Variants in CA10 observed in about 807,000 individuals in gnomAD.
CA10 encodes carbonic anhydrase 10 (inactive).
Under a neutral mutation model 44.2 loss-of-function variants are expected in CA10, and 14 were observed. That is an observed-to-expected ratio of 0.32 (90% CI 0.21 to 0.50). The LOEUF is 0.50. CA10 is among the 20% of genes least tolerant of loss of function. The pLI is 0.99. For synonymous variants in CA10, 159 were observed against 141.6 expected (o/e 1.12, Z -0.87); for missense variants, 350 against 409.7 (o/e 0.85, Z 1.26).
At chr17:51,887,841 TACA>T (rs1980678859) in intron 3 of CA10, among the ~76,000 whole-genome samples, 4 of 65,440 alleles carry the variant, frequency 6.1e-5, no homozygotes, top group African/African-American at 2.6e-4. Flanking sequence ...CTACTAAAAA[TACA>T]AAAAAAAAAA....
At chr17:51,959,216 T>C (rs1237045443) in intron 2 of CA10, among the ~76,000 whole-genome samples, 4 of 151,790 alleles carry the variant, frequency 2.6e-5, no homozygotes, top group Non-Finnish European at 5.9e-5. Flanking sequence ...ATTCTTTTTT[T>C]TTTTTTTTTT....
intron 1 of CA10, among the ~76,000 whole-genome samples, chr17:52,100,947 C>T (rs535882587): frequency 2.0e-5 from 3 of 152,270 alleles, no homozygotes; most frequent in Admixed American, 1.3e-4. Context: ...AAATATTTTT[C>T]GCTACTCTGA....
At chr17:52,157,657 T>TA (rs1567751429) in intron 1 of CA10, 69 bp downstream of exon 1, 1 of 1,436,874 alleles carries the variant, frequency 7.0e-7, no homozygotes, top group East Asian at 2.3e-5. Context: ...CTATATACAA[T>TA]AAAACCCCAT....
chr17:52,001,693 G>A (rs1334594482), intron 2 of CA10, among the ~76,000 whole-genome samples: 1 of 151,884 alleles, frequency 6.6e-6, no homozygotes, highest in African/African-American at 2.4e-5. Context: ...TTAGGGTGCT[G>A]CACTGTATAG....
At chr17:52,116,883 G>A (rs1988909370) in intron 1 of CA10, among the ~76,000 whole-genome samples, 1 of 152,166 alleles carries the variant, frequency 6.6e-6, no homozygotes, top group Non-Finnish European at 1.5e-5. Flanking sequence ...GGATATATGA[G>A]GTTGGTCTTA....
chr17:52,077,443 A>C lies in CA10; in HGVS notation c.62-5050T>G, dbSNP rs548054762. On this transcript the variant is annotated intron_variant, in intron 1 of 8. Coordinates refer to ENST00000451037, the MANE Select transcript of CA10 (RefSeq NM_020178.5). ...ATACTATTTCTGTGCCAACTGCTCC[A>C]CTTTGCCATTGTAGCACAAAAACAG... Among the ~76,000 whole-genome samples the C allele has an allele frequency of 3.3e-5, 5 of 152,242 alleles. No homozygotes were observed. In the South Asian group the frequency reaches 1.0e-3, roughly 32 times the overall value.
At chr17:51,998,448 C>G (rs1985311938) in intron 2 of CA10, among the ~76,000 whole-genome samples, 1 of 151,968 alleles carries the variant, frequency 6.6e-6, no homozygotes, top group Non-Finnish European at 1.5e-5. Context: ...TAATGCCTGT[C>G]CCTGGGAATT....
intron 3 of CA10, among the ~76,000 whole-genome samples, chr17:51,929,904 A>G (rs1019548436): frequency 4.6e-5 from 7 of 152,212 alleles, no homozygotes; most frequent in African/African-American, 1.7e-4. Flanking sequence ...CAAATACTGC[A>G]TAACTAAATG....
At chr17:52,147,628 C>G (rs1269711723) in intron 1 of CA10, among the ~76,000 whole-genome samples, 2 of 152,042 alleles carry the variant, frequency 1.3e-5, no homozygotes, top group African/African-American at 2.4e-5. Flanking sequence ...AGGAATGAAA[C>G]TTGTTACAGA....
chr17:51,947,037 G>A (rs974268589), intron 2 of CA10, among the ~76,000 whole-genome samples: 1 of 151,974 alleles, frequency 6.6e-6, no homozygotes, highest in East Asian at 1.9e-4. Flanking sequence ...TAAGCAGAGA[G>A]AAAAACAGTA....
At chr17:51,941,585 A>C (rs1426015014) in intron 2 of CA10, among the ~76,000 whole-genome samples, 1 of 152,170 alleles carries the variant, frequency 6.6e-6, no homozygotes, top group African/African-American at 2.4e-5. Context: ...AACTCTGAAG[A>C]AAACGACCAG....
At chr17:52,105,403 T>C (rs1425842349) in intron 1 of CA10, among the ~76,000 whole-genome samples, 2 of 152,084 alleles carry the variant, frequency 1.3e-5, no homozygotes, top group East Asian at 1.9e-4. Flanking sequence ...TACAGGCGCC[T>C]GCCACCACAC....
chr17:52,155,952 T>C (rs1257724343), intron 1 of CA10, among the ~76,000 whole-genome samples: 1 of 152,166 alleles, frequency 6.6e-6, no homozygotes, highest in Non-Finnish European at 1.5e-5. Flanking sequence ...AATGCTTTTT[T>C]TGGAGGCTAA....
chr17:51,993,085 T>C (rs1183896023), intron 2 of CA10, among the ~76,000 whole-genome samples: 1 of 152,068 alleles, frequency 6.6e-6, no homozygotes, highest in Non-Finnish European at 1.5e-5. Context: ...AAGAAGTGCT[T>C]GGGATAATTT....
At chr17:52,086,802 G>T (rs533450057) in intron 1 of CA10, among the ~76,000 whole-genome samples, 3 of 152,286 alleles carry the variant, frequency 2.0e-5, no homozygotes, top group African/African-American at 4.8e-5. Context: ...ATAAAATGGG[G>T]TCTCAAAGAT....
At chr17:51,786,197 C>G (rs1340545497) in intron 3 of CA10, among the ~76,000 whole-genome samples, 1 of 143,340 alleles carries the variant, frequency 7.0e-6, no homozygotes, top group Non-Finnish European at 1.5e-5. Context: ...TTAATGCGTT[C>G]TAACATCTTT....
intron 2 of CA10, among the ~76,000 whole-genome samples, chr17:52,050,153 C>T (rs1987022228): frequency 6.6e-6 from 1 of 152,018 alleles, no homozygotes. Flanking sequence ...ATCTCCCCAC[C>T]CCAAACCTGA....
chr17:52,035,718 G>A (rs1002888736), intron 2 of CA10, among the ~76,000 whole-genome samples: 3 of 152,204 alleles, frequency 2.0e-5, no homozygotes, highest in African/African-American at 4.8e-5. Context: ...GTGCCGATGT[G>A]TCTAGTCAGT....
intron 3 of CA10, among the ~76,000 whole-genome samples, chr17:51,826,120 G>A (rs928654299): frequency 6.6e-6 from 1 of 152,198 alleles, no homozygotes; most frequent in Admixed American, 6.5e-5. Context: ...GGAGGCCTGA[G>A]GTTTCTGTGG....
Sources: allele counts gnomAD v4.1 joint callset (sites outside exome capture counted in the v4.1 genomes callset), GRCh38; gene constraint gnomAD v4.1.1; transcripts MANE v1.5; gene names NCBI Gene and HGNC (gene_info 2026-07-23, HGNC 2026-07-21).